GATM: variants seen among roughly 807,000 people sequenced by gnomAD.
GATM encodes the protein glycine amidinotransferase, mitochondrial.
A neutral mutation model predicts 54.2 loss-of-function variants in GATM; 23 were observed. The ratio of observed to expected loss-of-function variants is 0.42; its 90% CI spans 0.31 to 0.60. The LOEUF (loss-of-function observed/expected upper bound fraction) is 0.60, where lower values mean the gene tolerates loss of function less well. Among genes scored for constraint, GATM ranks in the 20% least tolerant of loss-of-function variants. GATM has a pLI of 0.14. For missense variants in GATM, 401 were observed against 544.9 expected, an observed-to-expected ratio of 0.74 and a Z score of 2.63; for synonymous variants, 168 against 183.1, an observed-to-expected ratio of 0.92 and a Z score of 0.67.
chr15:45,375,132 G>A (rs1318311874), intron 2 of GATM, among the ~76,000 whole-genome samples: 3 of 152,092 alleles, frequency 2.0e-5, no homozygotes, highest in Non-Finnish European at 2.9e-5. Context: ...GTGTAATGGC[G>A]CCATCTCAGC....
At position 45,376,634 on chromosome 15, in the gene GATM, G is replaced by T; in HGVS notation, c.255C>A (p.Asn85Lys). Residue 85 changes from asparagine to lysine, a missense_variant, in exon 2 of 9, where the codon AAC becomes AAA. Physicochemically the swap from Asn to Lys is moderately conservative, Grantham distance 94 (BLOSUM62 0). Transcript: ENST00000396659. ...LEEVIVGRAENACVPPFTIEV... is the reference protein window; with the variant it reads ...LEEVIVGRAEKACVPPFTIEV... Reference sequence around the variant, plus strand: ...CGATGGTGAACGGTGGAACACAGGCGTTTTCTGCTCTGCCCACTATCACTT... The same window carrying T: ...CGATGGTGAACGGTGGAACACAGGCTTTTTCTGCTCTGCCCACTATCACTT... The T allele has an allele frequency of 6.2e-7, 1 of 1,614,184 alleles. No individual in the cohort carries two copies. Among genetic ancestry groups the T allele is most frequent in the Non-Finnish European group, 8.5e-7 (1 of 1,180,032 alleles).
intron 2 of GATM, among the ~76,000 whole-genome samples, chr15:45,370,861 C>G (rs1245184342): frequency 6.6e-6 from 1 of 152,150 alleles, no homozygotes; most frequent in Non-Finnish European, 1.5e-5. Flanking sequence ...ACCTCCGCCT[C>G]CCACCAGGTT....
At chr15:45,378,962 C>T (rs1889695785), upstream of GATM, 2 of 152,226 alleles carry the variant, frequency 1.3e-5, no homozygotes, top group Admixed American at 6.5e-5. Context: ...GTAAACGAAA[C>T]CACCTAAAGA....
rs1293081776 is a variant in GATM at position 45,370,375 on chromosome 15, C to CA, written c.289-855dup. On this transcript the variant is annotated intron_variant, in intron 2 of 8. Coordinates refer to ENST00000396659, the MANE Select transcript of GATM (RefSeq NM_001482.3). ...TGGGTGACAAAGCGAGACTCTGTCT[C>CA]AAAAAAAAAAAAAGAAAAAGAAAAA... Among the ~76,000 whole-genome samples, 422 of 77,448 alleles carry CA rather than the reference C, an allele frequency of 5.4e-3. 3 individuals are homozygous for CA. The highest frequency in any genetic ancestry group is 0.015 in the African/African-American group (302 of 20,122). The allele number at this position is 77,448 out of a possible 152,430, so 50.8% of individuals were successfully genotyped here.
intron 7 of GATM, chr15:45,364,575 G>A (rs1889417850): frequency 1.2e-5 from 6 of 521,254 alleles, no homozygotes; most frequent in Non-Finnish European, 1.4e-5. Flanking sequence ...ACGTGATGTT[G>A]TTTTATTCTG....
chr15:45,391,843 A>C (rs1460087005), intron 3 of GATM, among the ~76,000 whole-genome samples: 3 of 152,232 alleles, frequency 2.0e-5, no homozygotes, highest in African/African-American at 7.2e-5. Context: ...TCTTCTGCTA[A>C]AGAAAAAAAA....
At chr15:45,388,809 T>A (rs2140674207) in intron 3 of GATM, among the ~76,000 whole-genome samples, 1 of 152,344 alleles carries the variant, frequency 6.6e-6, no homozygotes. Context: ...GGGTTTTTCC[T>A]CTGTAAAGTT....
chr15:45,365,008 T>G (rs1192138613), intron 6 of GATM, 148 bp from the exon 7 acceptor site: 3 of 692,292 alleles, frequency 4.3e-6, no homozygotes, highest in Non-Finnish European at 7.5e-6. Flanking sequence ...TTCTAAACAT[T>G]TGGGTGATTT....
At chr15:45,375,664 G>A (rs939707907) in intron 2 of GATM, among the ~76,000 whole-genome samples, 1 of 152,074 alleles carries the variant, frequency 6.6e-6, no homozygotes, top group Non-Finnish European at 1.5e-5. Flanking sequence ...CTAATCTGCT[G>A]TACTAACAGA....
At position 45,363,910 on chromosome 15, in the gene GATM, A is replaced by G; in HGVS notation, c.1149T>C (p.Phe383=). The change falls in exon 8 of 9, where the codon TTT becomes TTC. Residue 383 remains phenylalanine, a synonymous_variant. Transcript: ENST00000396659. ...ATTTGTTGTACATACCCAGCTTTTCAAACATCTTTTGAATTGGAACTTCAT... is the reference window on the plus strand; with the variant it reads ...ATTTGTTGTACATACCCAGCTTTTCGAACATCTTTTGAATTGGAACTTCAT... ...DANEVPIQKM[F]EKLGITTIKV... is the part of the protein sequence containing the mutation. 1 of 1,603,802 alleles carries G rather than the reference A, an allele frequency of 6.2e-7. No homozygotes were observed. The highest frequency in any genetic ancestry group is 1.7e-5 in the Admixed American group (1 of 60,000).
At chr15:45,398,681 C>A (rs1889961676) in intron 2 of GATM, among the ~76,000 whole-genome samples, 1 of 152,182 alleles carries the variant, frequency 6.6e-6, no homozygotes, top group Non-Finnish European at 1.5e-5. Flanking sequence ...GTTTGCAAAT[C>A]ATGCTTTTTC....
Position 45,376,612 on chromosome 15 carries a change from T to C in GATM, c.277A>G (p.Ile93Val), listed in dbSNP as rs34991226. ...TAGCCTTCCTTTACCTTCACCTCGATGGTGAACGGTGGAACACAGGCGTTT... is the reference window on the plus strand; with the variant it reads ...TAGCCTTCCTTTACCTTCACCTCGACGGTGAACGGTGGAACACAGGCGTTT... The part of the protein sequence containing the change: ...AENACVPPFT[I>V]EVKANTYEKY... Residue 93 changes from isoleucine to valine, a missense_variant, in exon 2 of 9, where the codon ATC becomes GTC. Physicochemically the swap from Ile to Val is conservative, Grantham distance 29 (BLOSUM62 3). Transcript: ENST00000396659. The C allele has an allele frequency of 2.7e-5, 44 of 1,613,612 alleles. No individual in the cohort carries two copies. Among genetic ancestry groups the C allele is most frequent in the African/African-American group, 1.2e-4 (9 of 74,898 alleles).
chr15:45,372,092 T>TA (rs563228995), intron 2 of GATM, among the ~76,000 whole-genome samples: 31 of 152,260 alleles, frequency 2.0e-4, no homozygotes, highest in African/African-American at 7.5e-4. Flanking sequence ...CAGAGGCTGG[T>TA]AAAAAAAGGT....
intron 1 of GATM, 47 bp downstream of exon 1, chr15:45,378,338 A>T: frequency 6.9e-7 from 1 of 1,444,886 alleles, no homozygotes; most frequent in Non-Finnish European, 9.3e-7. Flanking sequence ...CGCCCGCAGG[A>T]TCGAGTGAGT....
At chr15:45,375,024 G>A (rs911217721) in intron 2 of GATM, among the ~76,000 whole-genome samples, 1 of 152,158 alleles carries the variant, frequency 6.6e-6, no homozygotes, top group Admixed American at 6.5e-5. Flanking sequence ...AGCCCATAGA[G>A]GCCCTGGATA....
rs531406747 is a variant in GATM, at chr15:45,392,538, C to A, written c.-319+4384G>T. ...AACACAGGATGAATCCTGAGAGCAC[C>A]AAAGCACAGCATAGAAGAGCACCCA... On this transcript the variant is annotated intron_variant, in intron 3 of 4. Transcript: ENST00000561148. Among the ~76,000 whole-genome samples, 34 of 152,254 alleles carry A rather than the reference C, an allele frequency of 2.2e-4. No homozygotes were observed. In the South Asian group the frequency reaches 6.8e-3, roughly 31 times the overall value.
At chr15:45,362,907 T>C (rs1353952018) in intron 8 of GATM, among the ~76,000 whole-genome samples, 1 of 152,202 alleles carries the variant, frequency 6.6e-6, no homozygotes, top group Non-Finnish European at 1.5e-5. Context: ...GAGCTAATTA[T>C]TTTGAGAGGA....
chr15:45,365,775 C>T (rs925672105), intron 6 of GATM, among the ~76,000 whole-genome samples: 2 of 152,194 alleles, frequency 1.3e-5, no homozygotes, highest in African/African-American at 4.8e-5. Flanking sequence ...TAAAAATACA[C>T]ACATATGCAC....
chr15:45,378,505 G>C lies in GATM; in HGVS notation c.-52C>G. Reference sequence around the variant, plus strand: ...GGAATGTTCCTGGCCTCTGGGCCGCGTCGGTCCAAGCCTTCCCGAGAGCGC... The same window carrying C: ...GGAATGTTCCTGGCCTCTGGGCCGCCTCGGTCCAAGCCTTCCCGAGAGCGC... On this transcript the variant is annotated 5_prime_UTR_variant, in exon 1 of 9. Coordinates refer to ENST00000396659, the MANE Select transcript of GATM (RefSeq NM_001482.3). 2.3e-6 allele frequency: 3 copies of C among 1,332,132 alleles called. No individual in the cohort carries two copies. Among genetic ancestry groups the C allele is most frequent in the Non-Finnish European group, 2.9e-6 (3 of 1,038,000 alleles). The allele number at this position is 1,332,132 out of a possible 1,614,324, so 82.5% of individuals were successfully genotyped here. A position where few individuals can be genotyped will look rare whatever the true frequency, so the allele number is the denominator to read the frequency against.
Sources: gnomAD v4.1 joint callset for allele counts (sites outside exome capture counted in the v4.1 genomes callset) on GRCh38, gnomAD v4.1.1 for gene constraint, MANE v1.5 for transcripts, NCBI Gene and HGNC (gene_info 2026-07-23, HGNC 2026-07-21) for gene names.